CFAP61: variants seen among roughly 807,000 people sequenced by gnomAD.
The protein encoded by CFAP61 is cilia and flagella associated protein 61.
CFAP61 carries 107 observed loss-of-function variants against 135.6 expected under a neutral mutation model. The observed-to-expected ratio is 0.79, with a 90% confidence interval of 0.67 to 0.93. The LOEUF is 0.93. Ranked by LOEUF, CFAP61 falls within the 40% of genes least tolerant of loss-of-function variation. The pLI, the probability that CFAP61 is intolerant of heterozygous loss-of-function variation, is 0.00. For missense variants in CFAP61, 1,507 were observed against 1,556.2 expected (o/e 0.97, Z 0.53); for synonymous variants, 575 against 578.5 (o/e 0.99, Z 0.09).
chr20:20,281,786 G>C (rs561642586), intron 22 of CFAP61, among the ~76,000 whole-genome samples: 1 of 152,204 alleles, frequency 6.6e-6, no homozygotes, highest in African/African-American at 2.4e-5. Context: ...AAAAATTCGG[G>C]CAATGTTCCC....
At chr20:20,086,782 G>A (rs1361010894) in intron 6 of CFAP61, among the ~76,000 whole-genome samples, 2 of 152,174 alleles carry the variant, frequency 1.3e-5, no homozygotes, top group African/African-American at 2.4e-5. Context: ...TTCCGTGGTT[G>A]GGAAGATGCC....
chr20:20,183,604 T>C (rs1396061801), intron 13 of CFAP61, among the ~76,000 whole-genome samples: 1 of 152,236 alleles, frequency 6.6e-6, no homozygotes, highest in African/African-American at 2.4e-5. Flanking sequence ...AATAGCCACA[T>C]TAATTTAAAA....
At chr20:20,330,463 GTAGT>G (rs2057941571) in intron 25 of CFAP61, among the ~76,000 whole-genome samples, 2 of 152,100 alleles carry the variant, frequency 1.3e-5, no homozygotes, top group South Asian at 4.1e-4. Flanking sequence ...AGTCTCCTGA[GTAGT>G]TGGGATTACA....
intron 25 of CFAP61, among the ~76,000 whole-genome samples, chr20:20,324,439 A>C (rs2057671801): frequency 6.6e-6 from 1 of 152,218 alleles, no homozygotes. Context: ...CAGTACACAT[A>C]GTTCTCACTC....
chr20:20,314,404 A>C (rs1220605060), intron 25 of CFAP61, among the ~76,000 whole-genome samples: 2 of 146,778 alleles, frequency 1.4e-5, no homozygotes, highest in Admixed American at 1.4e-4. Context: ...AAAAAAAAAA[A>C]AAAAATCAAC....
intron 17 of CFAP61, among the ~76,000 whole-genome samples, chr20:20,214,905 G>C (rs2047932476): frequency 6.6e-6 from 1 of 152,242 alleles, no homozygotes; most frequent in Non-Finnish European, 1.5e-5. Flanking sequence ...AGTGGAGAGA[G>C]AGAAGCATCC....
At chr20:20,333,873 T>G (rs2058084760) in intron 25 of CFAP61, among the ~76,000 whole-genome samples, 1 of 152,160 alleles carries the variant, frequency 6.6e-6, no homozygotes, top group African/African-American at 2.4e-5. Flanking sequence ...AACTTGTGCT[T>G]GCAAGAGAGC....
At chr20:20,230,648 C>G (rs980901840) in intron 18 of CFAP61, among the ~76,000 whole-genome samples, 2 of 152,154 alleles carry the variant, frequency 1.3e-5, no homozygotes, top group African/African-American at 4.8e-5. Flanking sequence ...CGCCTCCCCC[C>G]AGGTTCAAGC....
chr20:20,062,020 C>G (rs549782105), intron 2 of CFAP61, among the ~76,000 whole-genome samples: 8 of 152,164 alleles, frequency 5.3e-5, no homozygotes, highest in Admixed American at 5.2e-4. Context: ...GTTTTGTGAT[C>G]TTGGGAGCCT....
At chr20:20,206,731 G>A (rs2056871397) in intron 17 of CFAP61, among the ~76,000 whole-genome samples, 2 of 151,734 alleles carry the variant, frequency 1.3e-5, no homozygotes, top group African/African-American at 4.8e-5. Flanking sequence ...TTGCACACAG[G>A]TTTTTGGGTA....
chr20:20,287,623 C>A (rs2054686189), intron 22 of CFAP61, among the ~76,000 whole-genome samples: 1 of 152,088 alleles, frequency 6.6e-6, no homozygotes, highest in Admixed American at 6.5e-5. Context: ...GATGTCTATA[C>A]AGAATGAAAC....
chr20:20,124,961 T>C (rs1194627192), intron 8 of CFAP61, among the ~76,000 whole-genome samples: 1 of 151,822 alleles, frequency 6.6e-6, no homozygotes, highest in Non-Finnish European at 1.5e-5. Context: ...GTTTTATCTT[T>C]CCAGGAATTT....
intron 8 of CFAP61, among the ~76,000 whole-genome samples, chr20:20,116,648 G>A (rs1354911018): frequency 6.6e-6 from 1 of 151,924 alleles, no homozygotes; most frequent in Admixed American, 6.6e-5. Context: ...TCTTCTACAT[G>A]GTTGTAAACT....
chr20:20,338,199 G>A (rs76516366), intron 25 of CFAP61, among the ~76,000 whole-genome samples: 2,036 of 152,268 alleles, frequency 0.013, 50 homozygotes, highest in African/African-American at 0.046. Context: ...TGAGCTTGAC[G>A]TTCGGGCAGG....
intron 1 of CFAP61, among the ~76,000 whole-genome samples, chr20:20,053,005 A>T (rs1320807303): frequency 6.6e-6 from 1 of 152,250 alleles, no homozygotes; most frequent in Non-Finnish European, 1.5e-5. Context: ...TTAGGAAAAA[A>T]TATAAATAGA....
chr20:20,335,758 T>G (rs2058163867), intron 25 of CFAP61, among the ~76,000 whole-genome samples: 1 of 152,194 alleles, frequency 6.6e-6, no homozygotes, highest in Non-Finnish European at 1.5e-5. Flanking sequence ...CTTTGAAACT[T>G]TCTGTAATTT....
chr20:20,098,285 G>A (rs1255199775), intron 7 of CFAP61, among the ~76,000 whole-genome samples: 1 of 152,184 alleles, frequency 6.6e-6, no homozygotes, highest in Non-Finnish European at 1.5e-5. Flanking sequence ...GAGGTTTCCT[G>A]ATGAGAATCA....
At chr20:20,160,158 G>A (rs1230173428) in intron 10 of CFAP61, among the ~76,000 whole-genome samples, 1 of 152,152 alleles carries the variant, frequency 6.6e-6, no homozygotes, top group East Asian at 1.9e-4. Flanking sequence ...GTGGGAGGTT[G>A]GTACAATAAA....
intron 14 of CFAP61, among the ~76,000 whole-genome samples, chr20:20,190,584 C>CACACACACACACACA (rs2055849826): frequency 2.6e-5 from 4 of 151,316 alleles, no homozygotes; most frequent in Admixed American, 2.0e-4. Context: ...ACTTCATACA[C>CACACACACACACACA]CACACACACA....
Sources: gnomAD v4.1 joint callset for allele counts (sites outside exome capture counted in the v4.1 genomes callset) on GRCh38, gnomAD v4.1.1 for gene constraint, MANE v1.5 for transcripts, NCBI Gene and HGNC (gene_info 2026-07-23, HGNC 2026-07-21) for gene names.